Variants in PDK4 observed in about 807,000 individuals in gnomAD.
PDK4 encodes pyruvate dehydrogenase kinase, isozyme 4.
PDK4 carries 43 observed loss-of-function variants against 51.7 expected under a neutral mutation model. That is an observed-to-expected ratio of 0.83 (90% CI 0.65 to 1.07). PDK4 has a LOEUF of 1.07. Among genes scored for constraint, PDK4 ranks in the 50% least tolerant of loss-of-function variants. PDK4 has a pLI of 0.00. For synonymous variants in PDK4, 170 were observed against 176.6 expected (o/e 0.96, Z 0.30); for missense variants, 498 against 503.5 (o/e 0.99, Z 0.10).
At chr7:95,588,812 A>T (rs1182040035) in intron 7 of PDK4, among the ~76,000 whole-genome samples, 1 of 152,184 alleles carries the variant, frequency 6.6e-6, no homozygotes, top group Non-Finnish European at 1.5e-5. Context: ...ACTTAATCTT[A>T]GGACGCATGA....
At chr7:95,586,330 G>C (rs1371814693) in intron 10 of PDK4, among the ~76,000 whole-genome samples, 1 of 151,714 alleles carries the variant, frequency 6.6e-6, no homozygotes, top group African/African-American at 2.4e-5. Context: ...AAGTAGCTGG[G>C]GTTACAGGCA....
intron 4 of PDK4, 55 bp downstream of exon 4, chr7:95,592,705 T>C (rs1791566373): frequency 3.5e-6 from 5 of 1,432,926 alleles, no homozygotes; most frequent in Non-Finnish European, 4.9e-6. Context: ...AGTTATAGTA[T>C]GGCTTATATT....
Position 95,585,477 on chromosome 7 carries a change from G to T in PDK4, c.*164C>A. The T allele has an allele frequency of 1.9e-6, 1 of 525,330 alleles. No homozygotes were observed. 32.5% of individuals were successfully genotyped at this position (525,330 alleles called of 1,614,324 possible). On this transcript the variant is annotated 3_prime_UTR_variant, in exon 11 of 11. Transcript: ENST00000005178. ...GTAGTCTTGCACTAAGTTCTCCTGGGTCACAGAAACAAGCTCCATTCCTCA... is the reference window on the plus strand; with the variant it reads ...GTAGTCTTGCACTAAGTTCTCCTGGTTCACAGAAACAAGCTCCATTCCTCA...
chr7:95,594,164 A>G (rs748810500), intron 2 of PDK4, among the ~76,000 whole-genome samples: 8 of 152,202 alleles, frequency 5.3e-5, no homozygotes, highest in Non-Finnish European at 1.0e-4. Flanking sequence ...CTACAGATTG[A>G]ATATATGTTT....
chr7:95,596,474 C>T lies in PDK4; in HGVS notation c.-181G>A, dbSNP rs553835966. ...GGTGCCGCGGAGTGAAGAGTCTGGG[C>T]AGAGTCGGAGATGCAGTGGTTCGAG... is the stretch of plus-strand genomic sequence containing the variant. On this transcript the variant is annotated 5_prime_UTR_variant, in exon 1 of 11. Coordinates refer to ENST00000005178, the MANE Select transcript of PDK4 (RefSeq NM_002612.4). 5,188 of 570,462 alleles carry T rather than the reference C, an allele frequency of 9.1e-3. 38 individuals carry two copies. The highest frequency in any genetic ancestry group is 0.014 in the Middle Eastern group (31 of 2,190). 35.3% of individuals were successfully genotyped at this position (570,462 alleles called of 1,614,324 possible). A position where few individuals can be genotyped will look rare whatever the true frequency, so the allele number is the denominator to read the frequency against.
chr7:95,596,360 G>A lies in PDK4; in HGVS notation c.-67C>T. 6.8e-7 allele frequency: 1 copy of A among 1,468,850 alleles called. No homozygotes were observed. The highest frequency in any genetic ancestry group is 9.0e-7 in the Non-Finnish European group (1 of 1,114,778). 91.0% of individuals were successfully genotyped at this position (1,468,850 alleles called of 1,614,324 possible). A position where few individuals can be genotyped will look rare whatever the true frequency, so the allele number is the denominator to read the frequency against. ...AGGGGCGAAGGCTGCTCGGAGCAGA[G>A]CCTGGTTCCGAGGGGGCGCGGCGCG... On this transcript the variant is annotated 5_prime_UTR_variant, in exon 1 of 11. Transcript: ENST00000005178.
intron 1 of PDK4, 41 bp downstream of exon 1, chr7:95,596,123 C>T (rs753059974): frequency 1.3e-6 from 2 of 1,557,170 alleles, no homozygotes; most frequent in Non-Finnish European, 1.7e-6. Context: ...AGGCAGTTCC[C>T]CAACCCTAGG....
chr7:95,590,881 T>C (rs6961090), intron 6 of PDK4, among the ~76,000 whole-genome samples: 2,112 of 152,282 alleles, frequency 0.014, 48 homozygotes, highest in African/African-American at 0.047. Flanking sequence ...GTTCATCATG[T>C]AGTCACTTCA....
rs148442451 is a variant in PDK4 at position 95,590,484 on chromosome 7, C to T, written c.695-768G>A. Among the ~76,000 whole-genome samples the T allele has an allele frequency of 1.0e-3, 152 of 152,250 alleles. 4 individuals are homozygous for T. The highest frequency in any genetic ancestry group is 3.5e-3 in the African/African-American group (146 of 41,546). The stretch of plus-strand genomic sequence containing the variant: ...GAAAAATAAAAGTATTATTCTTCAG[C>T]GTTCCAGGCCTTGGCAAAGTTCGAA... On this transcript the variant is annotated intron_variant, in intron 6 of 10. Transcript: ENST00000005178.
At position 95,584,174 on chromosome 7, in the gene PDK4, T is replaced by C. The variant is rs536870611; in HGVS notation, c.*1467A>G. On this transcript the variant is annotated 3_prime_UTR_variant, in exon 11 of 11. Coordinates refer to ENST00000005178, the MANE Select transcript of PDK4 (RefSeq NM_002612.4). ...TATTATCTCAAAGCCTACTATCTTG[T>C]AAGAGTGAGAGGCATTTAAAGAATC... 4 of 152,318 alleles carry C rather than the reference T, an allele frequency of 2.6e-5. No individual in the cohort carries two copies. Among genetic ancestry groups the C allele is most frequent in the Non-Finnish European group, 5.9e-5 (4 of 68,010 alleles). The allele number at this position is 152,318 out of a possible 1,614,324, so 9.4% of individuals were successfully genotyped here. A position where few individuals can be genotyped will look rare whatever the true frequency, so the allele number is the denominator to read the frequency against.
At chr7:95,590,910 G>A (rs1473332391) in intron 6 of PDK4, among the ~76,000 whole-genome samples, 2 of 152,108 alleles carry the variant, frequency 1.3e-5, no homozygotes, top group Non-Finnish European at 2.9e-5. Flanking sequence ...GACAGTATGG[G>A]AAGACCTTGT....
chr7:95,596,362 C>T lies in PDK4; in HGVS notation c.-69G>A. The T allele has an allele frequency of 6.8e-7, 1 of 1,465,250 alleles. No individual in the cohort carries two copies. The highest frequency in any genetic ancestry group is 1.3e-5 in the South Asian group (1 of 74,288). The allele number at this position is 1,465,250 out of a possible 1,614,324, so 90.8% of individuals were successfully genotyped here. A position where few individuals can be genotyped will look rare whatever the true frequency, so the allele number is the denominator to read the frequency against. On this transcript the variant is annotated 5_prime_UTR_variant, in exon 1 of 11. Coordinates refer to ENST00000005178, the MANE Select transcript of PDK4 (RefSeq NM_002612.4). ...GGGCGAAGGCTGCTCGGAGCAGAGC[C>T]TGGTTCCGAGGGGGCGCGGCGCGTC...
rs1791494425 is a variant in PDK4, at chr7:95,587,194, C to T, written c.982-71G>A. 16 of 872,534 alleles carry T rather than the reference C, an allele frequency of 1.8e-5. No homozygotes were observed. In the South Asian group the frequency reaches 2.1e-4, roughly 12 times the overall value. 54.0% of individuals were successfully genotyped at this position (872,534 alleles called of 1,614,324 possible). ...TGAAATACAAACAAGCAGGAAATTA[C>T]TGTCCTCACTGATACTAATGTCCTA... is the stretch of plus-strand genomic sequence containing the variant. On this transcript the variant is annotated intron_variant, in intron 9 of 10. Transcript: ENST00000005178.
In PDK4 at chr7:95,595,254, A is replaced by G. The variant is rs77268323; in HGVS notation, c.131-90T>C. 1.7e-3 allele frequency: 1,284 copies of G among 759,498 alleles called. 13 individuals carry two copies. In the African/African-American group the frequency reaches 0.021, roughly 12 times the overall value. The allele number at this position is 759,498 out of a possible 1,614,324, so 47.0% of individuals were successfully genotyped here. A position where few individuals can be genotyped will look rare whatever the true frequency, so the allele number is the denominator to read the frequency against. On this transcript the variant is annotated intron_variant, in intron 1 of 10. Coordinates refer to ENST00000005178, the MANE Select transcript of PDK4 (RefSeq NM_002612.4). ...ATTAACTATCAAATATTGAACACAC[A>G]TATATTATAAAATTATATTTCACTC...
intron 5 of PDK4, among the ~76,000 whole-genome samples, 193 bp from the exon 6 acceptor site, chr7:95,592,258 G>A (rs1427883919): frequency 1.3e-5 from 2 of 152,098 alleles, no homozygotes; most frequent in Admixed American, 6.5e-5. Context: ...TTAGCAATAT[G>A]TGCACTTCAG....
chr7:95,587,046 T>G lies in PDK4; in HGVS notation c.1059A>C (p.Leu353Phe). 1 of 1,609,228 alleles carries G rather than the reference T, an allele frequency of 6.2e-7. No homozygotes were observed. The highest frequency in any genetic ancestry group is 8.5e-7 in the Non-Finnish European group (1 of 1,175,696). Residue 353 changes from leucine to phenylalanine, a missense_variant, in exon 10 of 11, where the codon TTA (leucine) becomes TTC (phenylalanine). By Grantham distance (22) the Leu-to-Phe change is conservative. Transcript: ENST00000005178. ...TGATAGCATCTGTTCCATATCCTGA[T>G]AAAGAGTAGAGATTCAGATCTCCTT... ...YFQGDLNLYSLSGYGTDAIIY... is the reference protein window; with the variant it reads ...YFQGDLNLYSFSGYGTDAIIY...
intron 8 of PDK4, 32 bp downstream of exon 8, chr7:95,587,695 A>C: frequency 6.9e-7 from 1 of 1,446,656 alleles, no homozygotes; most frequent in Non-Finnish European, 9.7e-7. Flanking sequence ...TTCTCTCAAG[A>C]GACACCCAAA....
chr7:95,595,125 A>C lies in PDK4; in HGVS notation c.170T>G (p.Leu57Trp). ...NACERTSFAFLRQELPVRLAN... is the reference protein window; with the variant it reads ...NACERTSFAFWRQELPVRLAN... ...GAGTCTCACAGGCAATTCTTGTCGCAAAAATGCAAAAGAAGTTCTTTCACA... is the reference window on the plus strand; with the variant it reads ...GAGTCTCACAGGCAATTCTTGTCGCCAAAATGCAAAAGAAGTTCTTTCACA... The change falls in exon 2 of 11, where the codon TTG (leucine) becomes TGG (tryptophan). Residue 57 changes from leucine to tryptophan, a missense_variant. Transcript: ENST00000005178. 6.2e-7 allele frequency: 1 copy of C among 1,613,148 alleles called. No homozygotes were observed. The highest frequency in any genetic ancestry group is 8.5e-7 in the Non-Finnish European group (1 of 1,179,216).
intron 6 of PDK4, among the ~76,000 whole-genome samples, chr7:95,590,777 A>G (rs1372249696): frequency 6.6e-6 from 1 of 152,222 alleles, no homozygotes. Flanking sequence ...TTAAATAGAA[A>G]AGAGAAGGTA....
Sources: gnomAD v4.1 joint callset for allele counts (sites outside exome capture counted in the v4.1 genomes callset) on GRCh38, gnomAD v4.1.1 for gene constraint, MANE v1.5 for transcripts, NCBI Gene and HGNC (gene_info 2026-07-23, HGNC 2026-07-21) for gene names.